KCNT2: variants seen among roughly 807,000 people sequenced by gnomAD.
KCNT2 encodes potassium channel subfamily T member 2.
In KCNT2, 67 loss-of-function variants were observed where a neutral mutation model predicts 153.8. The observed-to-expected ratio is 0.44, with a 90% CI of 0.36 to 0.53. The LOEUF (loss-of-function observed/expected upper bound fraction) is 0.53, where lower values mean the gene tolerates loss of function less well. Among genes scored for constraint, KCNT2 ranks in the 20% least tolerant of loss-of-function variants. The pLI, the probability that KCNT2 is intolerant of heterozygous loss-of-function variation, is 0.00. For missense variants in KCNT2, 975 were observed against 1,354.8 expected (o/e 0.72, Z 4.40); for synonymous variants, 500 against 458.8 (o/e 1.09, Z -1.15).
At chr1:196,595,109 T>C (rs747299114) in intron 1 of KCNT2, among the ~76,000 whole-genome samples, 1 of 151,948 alleles carries the variant, frequency 6.6e-6, no homozygotes, top group African/African-American at 2.4e-5. Context: ...GCAAGTGCTG[T>C]AGTAATTTAA....
intron 4 of KCNT2, among the ~76,000 whole-genome samples, chr1:196,480,224 A>G (rs1182958103): frequency 2.6e-5 from 4 of 152,198 alleles, no homozygotes; most frequent in African/African-American, 7.2e-5. Flanking sequence ...AGGTAAATAT[A>G]TATGTTTATA....
At chr1:196,382,812 G>T (rs998103108) in intron 13 of KCNT2, among the ~76,000 whole-genome samples, 1 of 151,418 alleles carries the variant, frequency 6.6e-6, no homozygotes, top group South Asian at 2.1e-4. Context: ...TTGATTAAAA[G>T]AAAAAAACAA....
At chr1:196,413,909 G>A (rs1672541597) in intron 12 of KCNT2, among the ~76,000 whole-genome samples, 1 of 151,516 alleles carries the variant, frequency 6.6e-6, no homozygotes. Context: ...AATATACACA[G>A]ACCAATTCTA....
intron 26 of KCNT2, chr1:196,257,159 C>T: frequency 1.2e-6 from 1 of 809,042 alleles, no homozygotes; most frequent in Non-Finnish European, 1.5e-6. Flanking sequence ...CCTATCAAAT[C>T]AGGGTTATAA....
chr1:196,530,564 A>C (rs976686669), intron 1 of KCNT2, among the ~76,000 whole-genome samples: 9 of 152,078 alleles, frequency 5.9e-5, no homozygotes, highest in African/African-American at 1.7e-4. Context: ...AAGCATATAC[A>C]TGTAAATATA....
chr1:196,422,989 A>C, intron 12 of KCNT2, 61 bp downstream of exon 12: 1 of 1,150,954 alleles, frequency 8.7e-7, no homozygotes, highest in Non-Finnish European at 1.2e-6. Context: ...AAAAACTCAA[A>C]TTAAAAAAAA....
intron 25 of KCNT2, among the ~76,000 whole-genome samples, chr1:196,262,153 A>G (rs1657086301): frequency 6.6e-6 from 1 of 151,916 alleles, no homozygotes; most frequent in Non-Finnish European, 1.5e-5. Context: ...AGGAAAGTAG[A>G]AAGTGTCAGA....
intron 8 of KCNT2, among the ~76,000 whole-genome samples, chr1:196,444,896 T>C (rs1370465560): frequency 6.6e-6 from 1 of 151,340 alleles, no homozygotes; most frequent in African/African-American, 2.4e-5. Context: ...TGAAAATCAC[T>C]TTAATACTGC....
intron 13 of KCNT2, among the ~76,000 whole-genome samples, chr1:196,383,226 G>C (rs1158515401): frequency 6.6e-6 from 1 of 152,154 alleles, no homozygotes; most frequent in Non-Finnish European, 1.5e-5. Flanking sequence ...TAAAAAGAAA[G>C]AACAGGTCGT....
At chr1:196,527,769 C>G (rs1654429755) in intron 1 of KCNT2, among the ~76,000 whole-genome samples, 1 of 152,132 alleles carries the variant, frequency 6.6e-6, no homozygotes, top group African/African-American at 2.4e-5. Context: ...AGCAAACTTG[C>G]TGGTGCACAA....
At chr1:196,350,524 C>G (rs1666577207) in intron 14 of KCNT2, among the ~76,000 whole-genome samples, 1 of 152,034 alleles carries the variant, frequency 6.6e-6, no homozygotes, top group Admixed American at 6.6e-5. Flanking sequence ...AGTGTCTGTT[C>G]ATATCCTTTG....
At position 196,310,232 on chromosome 1, in the gene KCNT2, T is replaced by C. The variant is rs557080466; in HGVS notation, c.2484-4887A>G. On this transcript the variant is annotated intron_variant, in intron 21 of 27. Transcript: ENST00000294725. ...GATTTGCCATGGTAGCTGGAAATAA[T>C]GTTTTTAATTAACAGGGGGTATACA... 5.9e-5 allele frequency among the ~76,000 whole-genome samples: 9 copies of C among 152,004 alleles called. No homozygotes were observed. In the East Asian group the frequency reaches 1.7e-3, roughly 29 times the overall value.
intron 26 of KCNT2, among the ~76,000 whole-genome samples, chr1:196,253,093 G>A (rs1252936301): frequency 6.6e-6 from 1 of 150,880 alleles, no homozygotes. Context: ...TTAAATTTTA[G>A]GTAGAGTTCT....
At chr1:196,364,637 C>T (rs1667892001) in intron 14 of KCNT2, among the ~76,000 whole-genome samples, 2 of 152,048 alleles carry the variant, frequency 1.3e-5, no homozygotes, top group South Asian at 4.1e-4. Flanking sequence ...TTACACTTAG[C>T]AATTGAATAC....
chr1:196,358,030 A>C (rs1414681072), intron 14 of KCNT2, among the ~76,000 whole-genome samples: 1 of 151,664 alleles, frequency 6.6e-6, no homozygotes, highest in Non-Finnish European at 1.5e-5. Flanking sequence ...AGGAGACCCT[A>C]ACAATTTACA....
chr1:196,259,140 C>T (rs909606183), intron 25 of KCNT2, among the ~76,000 whole-genome samples: 6 of 152,016 alleles, frequency 3.9e-5, no homozygotes, highest in African/African-American at 1.4e-4. Context: ...TCTAAGTATT[C>T]TGAGTGAAAA....
intron 1 of KCNT2, among the ~76,000 whole-genome samples, chr1:196,591,953 G>A (rs1332045338): frequency 2.6e-5 from 4 of 152,110 alleles, no homozygotes; most frequent in Non-Finnish European, 5.9e-5. Context: ...ATATGTTTCT[G>A]TAAGTACTAG....
rs577223607 is a variant in KCNT2, at chr1:196,442,493, T to C, written c.639-12736A>G. Among the ~76,000 whole-genome samples, 52 of 151,844 alleles carry C rather than the reference T, an allele frequency of 3.4e-4. No homozygotes were observed. The South Asian group carries it at 0.011, about 31-fold the overall frequency. On this transcript the variant is annotated intron_variant, in intron 8 of 27. Coordinates refer to ENST00000294725, the MANE Select transcript of KCNT2 (RefSeq NM_198503.5). ...GATAGAAAATAATAGCTAATGTACA[T>C]GTATACAACTACAGAAAGAAGAGGC...
At chr1:196,309,062 C>T (rs915169938) in intron 21 of KCNT2, among the ~76,000 whole-genome samples, 4 of 151,780 alleles carry the variant, frequency 2.6e-5, no homozygotes, top group Non-Finnish European at 5.9e-5. Flanking sequence ...ATGTATTTTT[C>T]TAGGGGTGAT....
Sources: allele counts gnomAD v4.1 joint callset (sites outside exome capture counted in the v4.1 genomes callset), GRCh38; gene constraint gnomAD v4.1.1; transcripts MANE v1.5; gene names NCBI Gene and HGNC (gene_info 2026-07-23, HGNC 2026-07-21).